The following EYA4 variants were observed in gnomAD, a reference collection of about 807,000 sequenced individuals.
EYA4 encodes EYA transcriptional coactivator and phosphatase 4.
EYA4 carries 31 observed loss-of-function variants against 87.9 expected under a neutral mutation model. The observed-to-expected ratio is 0.35, with a 90% CI of 0.27 to 0.48. The LOEUF is 0.48. Among genes scored for constraint, EYA4 ranks in the 20% least tolerant of loss-of-function variants. The pLI is 0.99. For missense variants in EYA4, 678 were observed against 761.4 expected (o/e 0.89, Z 1.29); for synonymous variants, 263 against 270.6 (o/e 0.97, Z 0.28).
chr6:133,434,472 C>T (rs1583268614), intron 3 of EYA4, among the ~76,000 whole-genome samples: 1 of 151,942 alleles, frequency 6.6e-6, no homozygotes, highest in African/African-American at 2.4e-5. Flanking sequence ...CCTTTGGATA[C>T]TTTTTTTTGT....
chr6:133,433,424 A>G (rs1791362680), intron 3 of EYA4, among the ~76,000 whole-genome samples: 1 of 152,250 alleles, frequency 6.6e-6, no homozygotes, highest in African/African-American at 2.4e-5. Flanking sequence ...ATGAACTGAT[A>G]TAAATCTGGA....
intron 3 of EYA4, among the ~76,000 whole-genome samples, chr6:133,391,252 G>A (rs1348593082): frequency 7.8e-6 from 1 of 127,572 alleles, no homozygotes; most frequent in African/African-American, 3.1e-5. Context: ...ATGGAGTTTC[G>A]CTCTTGTTGC....
At chr6:133,421,036 A>T (rs1790175261) in intron 3 of EYA4, among the ~76,000 whole-genome samples, 1 of 152,224 alleles carries the variant, frequency 6.6e-6, no homozygotes, top group Non-Finnish European at 1.5e-5. Flanking sequence ...AGATGGATAG[A>T]CACCTTTAAA....
chr6:133,318,247 CTTCTT>C (rs1171670245), intron 2 of EYA4, among the ~76,000 whole-genome samples: 2 of 152,104 alleles, frequency 1.3e-5, no homozygotes, highest in East Asian at 3.9e-4. Flanking sequence ...GGGTGTGACT[CTTCTT>C]TTTTATTGAC....
intron 2 of EYA4, among the ~76,000 whole-genome samples, chr6:133,311,560 C>A (rs1254265655): frequency 6.6e-6 from 1 of 151,148 alleles, no homozygotes; most frequent in Non-Finnish European, 1.5e-5. Flanking sequence ...CTCAAGCACT[C>A]CTCTTGGTTC....
chr6:133,443,718 A>C (rs1415482673), intron 3 of EYA4, among the ~76,000 whole-genome samples: 2 of 151,962 alleles, frequency 1.3e-5, no homozygotes, highest in Non-Finnish European at 2.9e-5. Flanking sequence ...TGATCTTTTC[A>C]TTATCATTTT....
intron 2 of EYA4, among the ~76,000 whole-genome samples, chr6:133,359,563 C>T (rs1253358966): frequency 6.6e-6 from 1 of 152,078 alleles, no homozygotes; most frequent in Non-Finnish European, 1.5e-5. Flanking sequence ...TTATTAGGCA[C>T]GTGTAAAGTA....
chr6:133,371,615 C>A (rs1416062051), intron 2 of EYA4, among the ~76,000 whole-genome samples: 1 of 152,060 alleles, frequency 6.6e-6, no homozygotes, highest in Non-Finnish European at 1.5e-5. Flanking sequence ...TTTCTCTTTT[C>A]TTCTCCAAGT....
intron 3 of EYA4, among the ~76,000 whole-genome samples, chr6:133,393,128 T>A (rs1291217952): frequency 6.6e-6 from 1 of 152,140 alleles, no homozygotes; most frequent in East Asian, 1.9e-4. Flanking sequence ...AAATCCTTAT[T>A]TTGCACTTAG....
chr6:133,434,607 A>C (rs1030959887), intron 3 of EYA4, among the ~76,000 whole-genome samples: 3 of 152,044 alleles, frequency 2.0e-5, no homozygotes, highest in African/African-American at 7.2e-5. Flanking sequence ...GACAGTAGAG[A>C]CTCTTAACAC....
At position 133,396,625 on chromosome 6, in the gene EYA4, T is replaced by C. The variant is rs759578422; in HGVS notation, c.83+14184T>C. ...TGTTGGGGTAGTTATTATCCTAGGTTTTTCTCATTATTTATAGGTGTTTGT... is the reference window on the plus strand; with the variant it reads ...TGTTGGGGTAGTTATTATCCTAGGTCTTTCTCATTATTTATAGGTGTTTGT... On this transcript the variant is annotated intron_variant, in intron 3 of 19. Transcript: ENST00000355286. Among the ~76,000 whole-genome samples the C allele has an allele frequency of 2.7e-4, 41 of 152,178 alleles. 1 individual carries two copies. The highest frequency in any genetic ancestry group is 3.2e-3 in the Middle Eastern group (1 of 316).
At chr6:133,468,825 TC>T in intron 11 of EYA4, 94 bp downstream of exon 11, 2 of 1,256,814 alleles carry the variant, frequency 1.6e-6, no homozygotes, top group Non-Finnish European at 2.3e-6. Flanking sequence ...GGCGGAAAGC[TC>T]CCAGATAATT....
chr6:133,508,508 A>T (rs1244846301), intron 14 of EYA4, among the ~76,000 whole-genome samples: 2 of 152,192 alleles, frequency 1.3e-5, no homozygotes, highest in Non-Finnish European at 2.9e-5. Flanking sequence ...GTATAAAAAG[A>T]AAAAAGAAAT....
intron 1 of EYA4, among the ~76,000 whole-genome samples, chr6:133,271,714 G>A (rs1776704134): frequency 6.6e-6 from 1 of 152,146 alleles, no homozygotes; most frequent in Admixed American, 6.5e-5. Flanking sequence ...CCATGTTGCT[G>A]AGCCCATGTG....
chr6:133,241,213 C>G (rs1243747187), upstream of EYA4: 3 of 152,000 alleles, frequency 2.0e-5, no homozygotes, highest in Non-Finnish European at 2.9e-5. Context: ...CCGCCCCCCG[C>G]GTCCCTGGCG....
intron 2 of EYA4, among the ~76,000 whole-genome samples, chr6:133,312,397 C>G (rs1296695569): frequency 1.3e-5 from 2 of 151,930 alleles, no homozygotes; most frequent in African/African-American, 4.8e-5. Flanking sequence ...CACACACACA[C>G]ACACACACAC....
intron 2 of EYA4, among the ~76,000 whole-genome samples, chr6:133,309,394 T>C (rs1476513547): frequency 6.6e-6 from 1 of 152,182 alleles, no homozygotes; most frequent in Non-Finnish European, 1.5e-5. Flanking sequence ...ATGATTCTCT[T>C]AAAATATTCC....
chr6:133,325,387 AGAAAGGACCTATATCATCTTGT>A (rs1781423985), intron 2 of EYA4: 2 of 152,222 alleles, frequency 1.3e-5, no homozygotes, highest in Non-Finnish European at 2.9e-5. Flanking sequence ...TATTCCAAGA[AGAAAGGACCTATATCATCTTGT>A]GGAAGGTAAA....
chr6:133,506,913 G>A (rs1023185027), intron 14 of EYA4, among the ~76,000 whole-genome samples: 9 of 152,078 alleles, frequency 5.9e-5, no homozygotes, highest in Non-Finnish European at 7.4e-5. Context: ...AATAGAATTC[G>A]AAATAACTAA....
Sources: gnomAD v4.1 joint callset for allele counts (sites outside exome capture counted in the v4.1 genomes callset) on GRCh38, gnomAD v4.1.1 for gene constraint, MANE v1.5 for transcripts, NCBI Gene and HGNC (gene_info 2026-07-23, HGNC 2026-07-21) for gene names.